BIN1: variants seen among roughly 807,000 people sequenced by gnomAD.
BIN1 encodes the protein bridging integrator 1, also known as myc box-dependent-interacting protein 1.
In BIN1, 53 loss-of-function variants were observed where a neutral mutation model predicts 82.0. That is an observed-to-expected ratio of 0.65 (90% confidence interval 0.52 to 0.81). BIN1 has a LOEUF of 0.81. Ranked by LOEUF, BIN1 falls within the 40% of genes least tolerant of loss-of-function variation. The probability of loss-of-function intolerance (pLI) is 0.00; values close to 1 mark genes in which losing one functional copy is unlikely to be tolerated. For synonymous variants in BIN1, 302 were observed against 328.0 expected, an observed-to-expected ratio of 0.92 and a Z score of 0.86; for missense variants, 642 against 784.4, an observed-to-expected ratio of 0.82 and a Z score of 2.17.
At chr2:127,086,723 G>A (rs1678215908) in intron 1 of BIN1, among the ~76,000 whole-genome samples, 1 of 152,060 alleles carries the variant, frequency 6.6e-6, no homozygotes, top group Non-Finnish European at 1.5e-5. Context: ...GGCCAGGCTG[G>A]TTTCGAACCC....
At chr2:127,065,692 C>T (rs979448332) in intron 7 of BIN1, among the ~76,000 whole-genome samples, 3 of 152,142 alleles carry the variant, frequency 2.0e-5, no homozygotes, top group East Asian at 1.9e-4. Context: ...CAGATGGCAA[C>T]GGTGGGGACA....
At chr2:127,053,510 G>A in intron 13 of BIN1, 65 bp from the exon 14 acceptor site, 1 of 1,594,332 alleles carries the variant, frequency 6.3e-7, no homozygotes, top group Non-Finnish European at 8.6e-7. Context: ...GCGGCAAGCA[G>A]TCCCCAGGGA....
chr2:127,048,917 C>T (rs1283516406), intron 18 of BIN1, among the ~76,000 whole-genome samples: 1 of 152,360 alleles, frequency 6.6e-6, no homozygotes, highest in East Asian at 1.9e-4. Context: ...ATGTGCACAT[C>T]AGCCCTTCCA....
chr2:127,087,383 G>A (rs183458315), intron 1 of BIN1, among the ~76,000 whole-genome samples: 43 of 152,290 alleles, frequency 2.8e-4, no homozygotes, highest in African/African-American at 9.9e-4. Context: ...CCCCCTCCCC[G>A]TCCTCTCTCT....
chr2:127,095,891 C>T (rs370129524), intron 1 of BIN1, among the ~76,000 whole-genome samples: 1 of 152,184 alleles, frequency 6.6e-6, no homozygotes, highest in Non-Finnish European at 1.5e-5. Flanking sequence ...CCCAGCCGGA[C>T]CCAGCAGGAA....
At chr2:127,080,254 T>C (rs901504167) in intron 1 of BIN1, among the ~76,000 whole-genome samples, 1 of 152,172 alleles carries the variant, frequency 6.6e-6, no homozygotes, top group African/African-American at 2.4e-5. Context: ...GACACAGATC[T>C]CCCACCCCAT....
chr2:127,053,371 CG>C, intron 14 of BIN1, 50 bp downstream of exon 14: 1 of 1,610,946 alleles, frequency 6.2e-7, no homozygotes, highest in Non-Finnish European at 8.5e-7. Context: ...TGGACACATA[CG>C]GAAGAGTGGC....
chr2:127,073,084 C>A (rs772530114), intron 2 of BIN1, among the ~76,000 whole-genome samples: 1 of 152,218 alleles, frequency 6.6e-6, no homozygotes, highest in Admixed American at 6.5e-5. Context: ...GGCTTCAGGC[C>A]GTACCAGGGC....
intron 1 of BIN1, among the ~76,000 whole-genome samples, chr2:127,078,579 G>T (rs576671550): frequency 5.6e-4 from 85 of 152,296 alleles, no homozygotes; most frequent in Non-Finnish European, 9.4e-4. Flanking sequence ...AGCCACCGAT[G>T]ATGTTGTGCT....
intron 10 of BIN1, chr2:127,060,651 G>A (rs1221114118): frequency 6.2e-7 from 1 of 1,614,108 alleles, no homozygotes; most frequent in Non-Finnish European, 8.5e-7. Flanking sequence ...CTGTGGGGAC[G>A]GACGGGAGGT....
chr2:127,087,602 G>T (rs191326520), intron 1 of BIN1, among the ~76,000 whole-genome samples: 202 of 152,330 alleles, frequency 1.3e-3, no homozygotes, highest in African/African-American at 4.6e-3. Flanking sequence ...CACAGTGGCC[G>T]GCGGGGCTGG....
intron 1 of BIN1, among the ~76,000 whole-genome samples, chr2:127,087,620 A>T (rs1306601229): frequency 2.0e-5 from 3 of 152,206 alleles, no homozygotes; most frequent in African/African-American, 7.2e-5. Flanking sequence ...TGGACCAGCC[A>T]AGGGCAGTGC....
chr2:127,084,313 G>A (rs1405138756), intron 1 of BIN1, among the ~76,000 whole-genome samples: 1 of 152,198 alleles, frequency 6.6e-6, no homozygotes, highest in Non-Finnish European at 1.5e-5. Context: ...AGCCTCCCCT[G>A]GTCTTGCCTT....
In BIN1 at chr2:127,090,069, T is replaced by C. The variant is rs1678720073; in HGVS notation, c.85-13363A>G. On this transcript the variant is annotated intron_variant, in intron 1 of 18. Coordinates refer to ENST00000316724, the MANE Select transcript of BIN1 (RefSeq NM_139343.3). This position sits in a 1 kb window ranked among gnomAD's most constrained non-coding sequence, Gnocchi z 6.4. ...CTGCGGCTCACAGTCCACTGCAGCA[T>C]GGCCAGTTCCTTGGAACAGCATATA... Among the ~76,000 whole-genome samples the C allele has an allele frequency of 6.6e-6, 1 of 151,102 alleles. No homozygotes were observed. Among genetic ancestry groups the C allele is most frequent in the Admixed American group, 6.6e-5 (1 of 15,166 alleles).
At chr2:127,099,515 C>T (rs1193989163) in intron 1 of BIN1, among the ~76,000 whole-genome samples, 1 of 152,116 alleles carries the variant, frequency 6.6e-6, no homozygotes, top group Admixed American at 6.5e-5. Flanking sequence ...TTTTTATTTA[C>T]TTATTTATTT....
intron 1 of BIN1, among the ~76,000 whole-genome samples, chr2:127,080,433 G>A (rs1687146116): frequency 6.6e-6 from 1 of 152,250 alleles, no homozygotes; most frequent in Non-Finnish European, 1.5e-5. Flanking sequence ...AGTTGGGTGA[G>A]GAGGAGGGTC....
At chr2:127,102,824 G>A (rs897552240) in intron 1 of BIN1, among the ~76,000 whole-genome samples, 5 of 152,194 alleles carry the variant, frequency 3.3e-5, no homozygotes, top group East Asian at 1.9e-4. Context: ...TAAGTAACTC[G>A]GGTCCAGGGG....
intron 14 of BIN1, 57 bp from the exon 15 acceptor site, chr2:127,052,419 G>A (rs1036243435): frequency 6.9e-7 from 1 of 1,452,116 alleles, no homozygotes; most frequent in Non-Finnish European, 9.4e-7. Context: ...GGGGTGGAAA[G>A]GCAATGGGCA....
intron 7 of BIN1, among the ~76,000 whole-genome samples, chr2:127,066,571 T>G (rs761975246): frequency 5.3e-5 from 8 of 152,208 alleles, no homozygotes; most frequent in Non-Finnish European, 1.0e-4. Context: ...CTGAACTGAC[T>G]GGCAGGGCAT....
Sources: gnomAD v4.1 joint callset for allele counts (sites outside exome capture counted in the v4.1 genomes callset) on GRCh38, gnomAD v4.1.1 for gene constraint, Gnocchi (gnomAD v3.1) non-coding constraint, MANE v1.5 for transcripts, NCBI Gene and HGNC (gene_info 2026-07-23, HGNC 2026-07-21) for gene names.